Variants in DCUN1D3 observed in about 807,000 individuals in gnomAD.
DCUN1D3 encodes DCN1-like protein 3.
Under a neutral mutation model 24.8 loss-of-function variants are expected in DCUN1D3, and 6 were observed. The ratio of observed to expected loss-of-function variants is 0.24; its 90% CI spans 0.13 to 0.48. The LOEUF (loss-of-function observed/expected upper bound fraction) is 0.48. Ranked by LOEUF, DCUN1D3 falls within the 20% of genes least tolerant of loss-of-function variation. The probability of loss-of-function intolerance (pLI) is 0.99; values close to 1 mark genes in which losing one functional copy is unlikely to be tolerated. For missense variants in DCUN1D3, 258 were observed against 379.4 expected, an observed-to-expected ratio of 0.68 and a Z score of 2.66; for synonymous variants, 120 against 144.9, an observed-to-expected ratio of 0.83 and a Z score of 1.24.
rs2152516081 is a variant in DCUN1D3, at chr16:20,863,092, G to A, written c.-105-449C>T. Among the ~76,000 whole-genome samples the A allele has an allele frequency of 3.3e-5, 5 of 152,270 alleles. No individual in the cohort carries two copies. The South Asian group carries it at 1.0e-3, about 32-fold the overall frequency. On this transcript the variant is annotated intron_variant, in intron 1 of 2. Coordinates refer to ENST00000324344, the MANE Select transcript of DCUN1D3 (RefSeq NM_173475.4). ...TTTAAGTAGGATGAGTAGGGAGAAG[G>A]GGTGGCCATATTCAGAACAATAGTC... is the stretch of plus-strand genomic sequence containing the variant.
intron 1 of DCUN1D3, among the ~76,000 whole-genome samples, chr16:20,886,860 T>C (rs1006200260): frequency 4.6e-5 from 7 of 152,214 alleles, no homozygotes; most frequent in Admixed American, 4.6e-4. Flanking sequence ...GAATGAAACA[T>C]TGCCCAATTC....
intron 1 of DCUN1D3, among the ~76,000 whole-genome samples, chr16:20,891,981 T>G (rs993927262): frequency 2.0e-5 from 3 of 152,056 alleles, no homozygotes; most frequent in African/African-American, 7.2e-5. Context: ...ACTGATGGGC[T>G]TTTCTCCCCA....
intron 1 of DCUN1D3, among the ~76,000 whole-genome samples, chr16:20,891,243 C>A (rs1386739223): frequency 1.3e-5 from 2 of 152,130 alleles, no homozygotes; most frequent in Admixed American, 6.5e-5. Context: ...CCACCCACCT[C>A]GGCCTCCCAA....
chr16:20,897,595 G>A (rs998529497), intron 1 of DCUN1D3, among the ~76,000 whole-genome samples: 2 of 152,208 alleles, frequency 1.3e-5, no homozygotes, highest in South Asian at 2.1e-4. Context: ...TTGGTAGATG[G>A]ATAAGGGCAT....
intron 1 of DCUN1D3, among the ~76,000 whole-genome samples, chr16:20,864,622 T>A (rs1382860899): frequency 6.6e-6 from 1 of 152,070 alleles, no homozygotes; most frequent in African/African-American, 2.4e-5. Context: ...ACATTCGAAC[T>A]AGCAATCCCA....
In DCUN1D3 at chr16:20,880,035, C is replaced by T. The variant is rs187039833; in HGVS notation, c.-105-17392G>A. ...TTAAGAACCAGAAAAGAAAATGTTC[C>T]GTAATTTCTCCCTCCCAGTAAGTCC... On this transcript the variant is annotated intron_variant, in intron 1 of 2. Coordinates refer to ENST00000324344, the MANE Select transcript of DCUN1D3 (RefSeq NM_173475.4). Among the ~76,000 whole-genome samples the T allele has an allele frequency of 2.6e-3, 398 of 152,254 alleles. 2 individuals are homozygous for T. The highest frequency in any genetic ancestry group is 8.1e-3 in the South Asian group (39 of 4,828).
intron 1 of DCUN1D3, among the ~76,000 whole-genome samples, chr16:20,886,078 AG>A (rs55852302): frequency 5.9e-5 from 9 of 151,614 alleles, no homozygotes; most frequent in Admixed American, 3.9e-4. Flanking sequence ...AAAAAAAAAA[AG>A]GCCACCAATA....
chr16:20,896,617 T>C (rs1470459668), intron 1 of DCUN1D3, among the ~76,000 whole-genome samples: 2 of 152,198 alleles, frequency 1.3e-5, no homozygotes, highest in East Asian at 3.9e-4. Flanking sequence ...GCCTACAGGA[T>C]ATTTTCATAT....
At chr16:20,861,894 T>C (rs1322492820) in intron 2 of DCUN1D3, among the ~76,000 whole-genome samples, 1 of 152,154 alleles carries the variant, frequency 6.6e-6, no homozygotes, top group Non-Finnish European at 1.5e-5. Context: ...CAGAGAGATA[T>C]ATTTTAAACC....
At chr16:20,888,723 T>A (rs1320841961) in intron 1 of DCUN1D3, among the ~76,000 whole-genome samples, 1 of 152,308 alleles carries the variant, frequency 6.6e-6, no homozygotes, top group East Asian at 1.9e-4. Flanking sequence ...CTTAAAATGC[T>A]AGGACTACAG....
chr16:20,867,492 T>C (rs1374503551), intron 1 of DCUN1D3, among the ~76,000 whole-genome samples: 2 of 152,184 alleles, frequency 1.3e-5, no homozygotes, highest in Non-Finnish European at 1.5e-5. Flanking sequence ...ACCAGCACAG[T>C]TAAAAGCTCC....
rs2081772367 is a variant in DCUN1D3 at position 20,868,328 on chromosome 16, T to A, written c.-105-5685A>T. The stretch of plus-strand genomic sequence containing the variant: ...AGCTCTGTGAAGCAATTACCCCCAT[T>A]TTACAGGAAACTAAACACAGACAAA... On this transcript the variant is annotated intron_variant, in intron 1 of 2. Transcript: ENST00000324344. Among the ~76,000 whole-genome samples the A allele has an allele frequency of 3.3e-5, 5 of 152,248 alleles. No individual in the cohort carries two copies. The South Asian group carries it at 1.0e-3, about 32-fold the overall frequency.
intron 1 of DCUN1D3, among the ~76,000 whole-genome samples, chr16:20,884,456 T>C (rs190815479): frequency 6.6e-6 from 1 of 152,308 alleles, no homozygotes; most frequent in East Asian, 1.9e-4. Flanking sequence ...CTACACATAA[T>C]GACTAACTTC....
intron 1 of DCUN1D3, among the ~76,000 whole-genome samples, chr16:20,892,357 C>T (rs1229186018): frequency 6.6e-6 from 1 of 152,134 alleles, no homozygotes; most frequent in East Asian, 1.9e-4. Flanking sequence ...CCTCAGAGGG[C>T]CTGAGACTTC....
chr16:20,887,033 G>A (rs1200478298), intron 1 of DCUN1D3, among the ~76,000 whole-genome samples: 1 of 152,180 alleles, frequency 6.6e-6, no homozygotes. Flanking sequence ...GAACTAGTAG[G>A]CTGGGCGCTG....
intron 1 of DCUN1D3, among the ~76,000 whole-genome samples, chr16:20,876,687 T>C (rs1213495939): frequency 6.6e-6 from 1 of 152,110 alleles, no homozygotes; most frequent in Non-Finnish European, 1.5e-5. Context: ...ATAGCCAAAA[T>C]ATGGAATCCA....
intron 1 of DCUN1D3, among the ~76,000 whole-genome samples, chr16:20,886,525 A>C (rs1233380398): frequency 6.6e-6 from 1 of 152,242 alleles, no homozygotes; most frequent in Non-Finnish European, 1.5e-5. Flanking sequence ...TGCCCAAACT[A>C]AGTTTGTTAT....
chr16:20,872,159 A>G lies in DCUN1D3; in HGVS notation c.-105-9516T>C, dbSNP rs565724215. On this transcript the variant is annotated intron_variant, in intron 1 of 2. Coordinates refer to ENST00000324344, the MANE Select transcript of DCUN1D3 (RefSeq NM_173475.4). ...AGCTGATTAGTCCTCAAAACACCCA[A>G]TTACCACATCAACTGCTCATTTTTC... 3.3e-5 allele frequency among the ~76,000 whole-genome samples: 5 copies of G among 152,300 alleles called. No individual in the cohort carries two copies. In the East Asian group the frequency reaches 5.8e-4, roughly 18 times the overall value.
intron 1 of DCUN1D3, among the ~76,000 whole-genome samples, chr16:20,875,999 T>G (rs2081813155): frequency 6.6e-6 from 1 of 152,190 alleles, no homozygotes; most frequent in South Asian, 2.1e-4. Context: ...AGAGTCTCAC[T>G]CTGTCACCCA....
Sources: allele counts gnomAD v4.1 joint callset (sites outside exome capture counted in the v4.1 genomes callset), GRCh38; gene constraint gnomAD v4.1.1; transcripts MANE v1.5; gene names NCBI Gene and HGNC (gene_info 2026-07-23, HGNC 2026-07-21).